HECA: variants seen among roughly 807,000 people sequenced by gnomAD.
HECA encodes the protein HECA ribonucleoprotein granule regulator.
In HECA, 13 loss-of-function variants were observed where a neutral mutation model predicts 37.6. That is an observed-to-expected ratio of 0.35 (90% confidence interval 0.23 to 0.55). The LOEUF (loss-of-function observed/expected upper bound fraction) is 0.55. HECA is among the 20% of genes least tolerant of loss of function. The pLI is 0.90. For missense variants in HECA, 527 were observed against 701.9 expected (o/e 0.75, Z 2.82); for synonymous variants, 307 against 291.5 (o/e 1.05, Z -0.54).
At chr6:139,139,006 C>T (rs1159518465) in intron 1 of HECA, among the ~76,000 whole-genome samples, 1 of 152,064 alleles carries the variant, frequency 6.6e-6, no homozygotes, top group East Asian at 1.9e-4. Flanking sequence ...TATATCAGGC[C>T]TAAAAATATT....
intron 1 of HECA, among the ~76,000 whole-genome samples, chr6:139,150,883 A>G (rs1774642020): frequency 6.6e-6 from 1 of 152,186 alleles, no homozygotes; most frequent in South Asian, 2.1e-4. Context: ...TCCTTAGAAA[A>G]TTTTATGAAA....
At chr6:139,144,494 C>G (rs1416827012) in intron 1 of HECA, 3 of 152,656 alleles carry the variant, frequency 2.0e-5, no homozygotes, top group Admixed American at 2.0e-4. Flanking sequence ...GCCTTGAGTT[C>G]TGGTTGCTCC....
At chr6:139,139,458 C>G (rs1434833323) in intron 1 of HECA, among the ~76,000 whole-genome samples, 1 of 152,164 alleles carries the variant, frequency 6.6e-6, no homozygotes, top group African/African-American at 2.4e-5. Context: ...GAAGTATTAG[C>G]TGTTTGTCTT....
At chr6:139,164,941 A>AGG (rs1774862268) in intron 1 of HECA, among the ~76,000 whole-genome samples, 1 of 151,948 alleles carries the variant, frequency 6.6e-6, no homozygotes, top group Non-Finnish European at 1.5e-5. Flanking sequence ...AGCCCCTTCC[A>AGG]CCTCTGGCCA....
At chr6:139,162,318 C>T (rs916695479) in intron 1 of HECA, among the ~76,000 whole-genome samples, 1 of 152,160 alleles carries the variant, frequency 6.6e-6, no homozygotes, top group Non-Finnish European at 1.5e-5. Context: ...AGGAAGTTTA[C>T]TAGATGCCAG....
intron 1 of HECA, among the ~76,000 whole-genome samples, chr6:139,157,848 A>AT (rs752452982): frequency 1.3e-5 from 2 of 152,148 alleles, no homozygotes; most frequent in African/African-American, 2.4e-5. Flanking sequence ...GTGTGCCTGC[A>AT]TGTAGCAAAA....
intron 1 of HECA, among the ~76,000 whole-genome samples, chr6:139,157,005 A>G (rs992827375): frequency 1.3e-5 from 2 of 152,250 alleles, no homozygotes; most frequent in Non-Finnish European, 2.9e-5. Flanking sequence ...TTATTAAGAA[A>G]GTAAAGGAAT....
chr6:139,179,865 C>A lies in HECA; in HGVS notation c.*2760C>A, dbSNP rs946356281. The A allele has an allele frequency of 6.6e-6, 1 of 152,184 alleles. No homozygotes were observed. Among genetic ancestry groups the A allele is most frequent in the Admixed American group, 6.5e-5 (1 of 15,288 alleles). The allele number at this position is 152,184 out of a possible 1,614,324, so 9.4% of individuals were successfully genotyped here. ...ATAGTGTTCAGTAAAATGAAGCAGT[C>A]TTAAGAGTGACTAATAATTTCAAAG... On this transcript the variant is annotated 3_prime_UTR_variant, in exon 4 of 4. Coordinates refer to ENST00000367658, the MANE Select transcript of HECA (RefSeq NM_016217.3).
chr6:139,144,906 C>T (rs933992762), intron 1 of HECA, among the ~76,000 whole-genome samples: 9 of 152,090 alleles, frequency 5.9e-5, no homozygotes, highest in African/African-American at 2.2e-4. Context: ...GCTTTCTGAG[C>T]CATGTGAGGT....
In HECA at chr6:139,135,334, G is replaced by C; in HGVS notation, c.-63G>C. 2 of 1,230,958 alleles carry C rather than the reference G, an allele frequency of 1.6e-6. No homozygotes were observed. Among genetic ancestry groups the C allele is most frequent in the African/African-American group, 3.3e-5 (2 of 61,452 alleles). 76.3% of individuals were successfully genotyped at this position (1,230,958 alleles called of 1,614,324 possible). On this transcript the variant is annotated 5_prime_UTR_variant, in exon 1 of 4. Transcript: ENST00000367658. ...GCCGGCTTCACGCAGGGCCGGGAAC[G>C]GCCGTGCCTCTGGGATCCGCCTTCG...
intron 2 of HECA, among the ~76,000 whole-genome samples, chr6:139,173,822 A>G (rs1322017239): frequency 6.6e-6 from 1 of 152,232 alleles, no homozygotes; most frequent in East Asian, 1.9e-4. Flanking sequence ...AATTACGAGT[A>G]AGATATAATT....
At chr6:139,174,273 C>A in intron 2 of HECA, 112 bp from the exon 3 acceptor site, 1 of 1,247,438 alleles carries the variant, frequency 8.0e-7, no homozygotes, top group Non-Finnish European at 1.1e-6. Context: ...TTATATTTAT[C>A]CAAATGATAA....
At chr6:139,164,760 C>G (rs911394313) in intron 1 of HECA, among the ~76,000 whole-genome samples, 3 of 152,076 alleles carry the variant, frequency 2.0e-5, no homozygotes. Flanking sequence ...CCCTTGTCAT[C>G]CCAGCCTGTA....
chr6:139,139,049 T>C (rs1173392679), intron 1 of HECA, among the ~76,000 whole-genome samples: 6 of 152,224 alleles, frequency 3.9e-5, no homozygotes, highest in Admixed American at 6.5e-5. Flanking sequence ...CTAGTTTTCA[T>C]TGGGCCTGGA....
rs56410451 is a variant in HECA, at chr6:139,152,418, ATGTGTGTGTGTG to A, written c.272-13850_272-13839del. 1.8e-3 allele frequency among the ~76,000 whole-genome samples: 261 copies of A among 147,534 alleles called. 1 individual carries two copies. The highest frequency in any genetic ancestry group is 6.4e-3 in the African/African-American group (256 of 40,084). The stretch of plus-strand genomic sequence containing the variant: ...GTTGTAAACTGTATTGAAGCATTGG[ATGTGTGTGTGTG>A]TGTGTGTGTGTGTGTAGCTTCCATG... On this transcript the variant is annotated intron_variant, in intron 1 of 3. Transcript: ENST00000367658.
In HECA at chr6:139,161,041, G is replaced by T. The variant is rs9403047; in HGVS notation, c.272-5243G>T. ...TTTCCAGTTTGGACAATGTGTGTGT[G>T]TGGTGTGTGTGTGTCGGGGACAGGG... On this transcript the variant is annotated intron_variant, in intron 1 of 3. Coordinates refer to ENST00000367658, the MANE Select transcript of HECA (RefSeq NM_016217.3). Among the ~76,000 whole-genome samples the T allele has an allele frequency of 1.2e-3, 180 of 152,238 alleles. No individual in the cohort carries two copies. In the East Asian group the frequency reaches 0.033, roughly 28 times the overall value.
chr6:139,144,635 A>G (rs1399475767), intron 1 of HECA: 4 of 152,410 alleles, frequency 2.6e-5, no homozygotes, highest in Non-Finnish European at 4.4e-5. Flanking sequence ...AAACAAGGAC[A>G]TGGTCAGCTG....
In HECA at chr6:139,135,516, C is replaced by T. The variant is rs1244964337; in HGVS notation, c.120C>T (p.Ala40=). Residue 40 remains alanine, a synonymous_variant, in exon 1 of 4, where the codon GCC becomes GCT. Transcript: ENST00000367658. The stretch of plus-strand genomic sequence containing the variant: ...CGGCGGGCGCGGCGGGAGCGGCGGC[C>T]GGGGGGGCCCTGGCGGCGGCGGCCG... ...LAAAGAAGAA[A]GGALAAAAGC... 16 of 1,033,154 alleles carry T rather than the reference C, an allele frequency of 1.5e-5. No individual in the cohort carries two copies. The highest frequency in any genetic ancestry group is 5.9e-5 in the Admixed American group (1 of 17,056). The allele number at this position is 1,033,154 out of a possible 1,614,324, so 64.0% of individuals were successfully genotyped here. A position where few individuals can be genotyped will look rare whatever the true frequency, so the allele number is the denominator to read the frequency against.
At chr6:139,160,065 G>A (rs1373507524) in intron 1 of HECA, among the ~76,000 whole-genome samples, 1 of 152,136 alleles carries the variant, frequency 6.6e-6, no homozygotes, top group East Asian at 1.9e-4. Context: ...AGAAAGCTGG[G>A]GAGACAGGAT....
Sources: gnomAD v4.1 joint callset for allele counts (sites outside exome capture counted in the v4.1 genomes callset) on GRCh38, gnomAD v4.1.1 for gene constraint, MANE v1.5 for transcripts, NCBI Gene and HGNC (gene_info 2026-07-23, HGNC 2026-07-21) for gene names.